Variants in AHCYL2 observed in about 807,000 individuals in gnomAD.
AHCYL2 encodes the protein adenosylhomocysteinase like 2, also known as S-adenosylhomocysteine hydrolase-like protein 2.
In AHCYL2, 28 loss-of-function variants were observed where a neutral mutation model predicts 81.4. The ratio of observed to expected loss-of-function variants is 0.34; its 90% CI spans 0.25 to 0.47. The LOEUF (loss-of-function observed/expected upper bound fraction) is 0.47. AHCYL2 is among the 20% of genes least tolerant of loss of function. The pLI is 1.00. For synonymous variants in AHCYL2, 272 were observed against 290.2 expected (o/e 0.94, Z 0.64); for missense variants, 551 against 785.1 (o/e 0.70, Z 3.56).
At chr7:129,380,642 A>G (rs1794912446) in intron 2 of AHCYL2, among the ~76,000 whole-genome samples, 1 of 152,064 alleles carries the variant, frequency 6.6e-6, no homozygotes, top group Admixed American at 6.6e-5. Flanking sequence ...TTGTCTTTTT[A>G]CTTTCCCCCC....
At chr7:129,337,795 G>GGCC (rs1231180625) in intron 1 of AHCYL2, among the ~76,000 whole-genome samples, 2 of 152,218 alleles carry the variant, frequency 1.3e-5, no homozygotes, top group African/African-American at 2.4e-5. Flanking sequence ...CCAGGCTGGA[G>GGCC]TGCAATGGCA....
chr7:129,379,542 C>A, intron 1 of AHCYL2, 96 bp from the exon 2 acceptor site: 1 of 808,828 alleles, frequency 1.2e-6, no homozygotes, highest in Non-Finnish European at 2.0e-6. Context: ...ATCAGATCAA[C>A]TGTTAGGGAA....
intron 1 of AHCYL2, among the ~76,000 whole-genome samples, chr7:129,285,506 T>G (rs1287074501): frequency 6.6e-6 from 1 of 151,718 alleles, no homozygotes; most frequent in Non-Finnish European, 1.5e-5. Flanking sequence ...GATTGAGGAG[T>G]CTAAATTTCA....
At chr7:129,413,477 G>C (rs1796695082) in intron 11 of AHCYL2, 117 bp from the exon 12 acceptor site, 1 of 836,354 alleles carries the variant, frequency 1.2e-6, no homozygotes, top group Admixed American at 2.2e-5. Context: ...CTTCTTATTG[G>C]GTTGTAAGAA....
intron 1 of AHCYL2, among the ~76,000 whole-genome samples, chr7:129,326,432 C>T (rs1268916751): frequency 6.6e-6 from 1 of 151,994 alleles, no homozygotes; most frequent in Non-Finnish European, 1.5e-5. Flanking sequence ...GAGGCAGAGG[C>T]AGAAGAATCG....
chr7:129,392,469 T>C (rs1465820924), intron 4 of AHCYL2, among the ~76,000 whole-genome samples: 1 of 152,222 alleles, frequency 6.6e-6, no homozygotes, highest in East Asian at 1.9e-4. Context: ...ATAAGTACAC[T>C]AATCCCATTT....
At chr7:129,412,749 T>G (rs1163114667) in intron 11 of AHCYL2, among the ~76,000 whole-genome samples, 2 of 152,208 alleles carry the variant, frequency 1.3e-5, no homozygotes, top group Non-Finnish European at 2.9e-5. Flanking sequence ...TGATTTCCAT[T>G]TTCCCTGATG....
chr7:129,227,454 C>G (rs1273300230), intron 1 of AHCYL2, among the ~76,000 whole-genome samples: 1 of 58,528 alleles, frequency 1.7e-5, no homozygotes, highest in East Asian at 3.7e-4. Flanking sequence ...AAACCTCTCT[C>G]TCCAAAAAAA....
At chr7:129,230,417 T>C (rs1028237958) in intron 1 of AHCYL2, among the ~76,000 whole-genome samples, 2 of 152,000 alleles carry the variant, frequency 1.3e-5, no homozygotes, top group Non-Finnish European at 2.9e-5. Flanking sequence ...AGATAGCTAG[T>C]GTTCTCCTTG....
chr7:129,355,459 T>C (rs1793705675), intron 1 of AHCYL2, among the ~76,000 whole-genome samples: 1 of 152,202 alleles, frequency 6.6e-6, no homozygotes, highest in African/African-American at 2.4e-5. Flanking sequence ...GATTATGTAT[T>C]GACACAAATG....
At chr7:129,375,081 G>A (rs751738684) in intron 1 of AHCYL2, among the ~76,000 whole-genome samples, 4 of 152,132 alleles carry the variant, frequency 2.6e-5, no homozygotes, top group Non-Finnish European at 2.9e-5. Context: ...CTTTGTAGTC[G>A]TCCCTTCCAT....
Position 129,389,186 on chromosome 7 carries a change from A to T in AHCYL2, c.606A>T (p.Glu202Asp). ...CAGAGTTTGGACGAAGAGAAATTGA[A>T]ATTGCTGAACAAGGTAAAGAAAACA... is the stretch of plus-strand genomic sequence containing the variant. Reference protein sequence around the residue: ...KQAEFGRREIEIAEQEMPALM... With the variant: ...KQAEFGRREIDIAEQEMPALM... The change falls in exon 3 of 17, where the codon GAA becomes GAT. Residue 202 changes from glutamate (E) to aspartate (D), a missense_variant. By Grantham distance (45) the Glu-to-Asp change is conservative. Around this residue, in one of 2 missense-constraint regions of AHCYL2, gnomAD observed 316 missense variants for 543.1 expected, o/e 0.58. Coordinates refer to ENST00000325006, the MANE Select transcript of AHCYL2 (RefSeq NM_015328.4). 1 of 1,613,952 alleles carries T rather than the reference A, an allele frequency of 6.2e-7. No individual in the cohort carries two copies. The highest frequency in any genetic ancestry group is 8.5e-7 in the Non-Finnish European group (1 of 1,179,888).
intron 1 of AHCYL2, among the ~76,000 whole-genome samples, chr7:129,369,694 A>G (rs1386859904): frequency 1.3e-5 from 2 of 151,828 alleles, no homozygotes; most frequent in African/African-American, 4.8e-5. Flanking sequence ...CTGGGATTAC[A>G]GGTGTGCACC....
At chr7:129,395,891 A>G (rs892095502) in intron 4 of AHCYL2, among the ~76,000 whole-genome samples, 3 of 152,092 alleles carry the variant, frequency 2.0e-5, no homozygotes, top group East Asian at 3.9e-4. Context: ...AGTTTAGCTG[A>G]TATTTTCTTA....
At chr7:129,421,805 A>C (rs1046255370) in intron 12 of AHCYL2, among the ~76,000 whole-genome samples, 2 of 152,222 alleles carry the variant, frequency 1.3e-5, no homozygotes, top group Non-Finnish European at 2.9e-5. Flanking sequence ...ACAAAAATGA[A>C]AAGAAAGTAC....
intron 1 of AHCYL2, among the ~76,000 whole-genome samples, chr7:129,339,916 C>CTTTTTTTT (rs774989478): frequency 4.8e-5 from 5 of 104,544 alleles, no homozygotes; most frequent in South Asian, 3.3e-4. Flanking sequence ...TTCCTCTGCT[C>CTTTTTTTT]TTTTTTTTTT....
intron 1 of AHCYL2, among the ~76,000 whole-genome samples, chr7:129,289,120 TGCTGTGTCACCCAG>T (rs1232621879): frequency 6.6e-6 from 1 of 151,854 alleles, no homozygotes; most frequent in Admixed American, 6.6e-5. Flanking sequence ...GTCAGGGTCT[TGCTGTGTCACCCAG>T]GCTGGAGTGC....
intron 1 of AHCYL2, among the ~76,000 whole-genome samples, chr7:129,267,065 A>G (rs1173044605): frequency 6.6e-6 from 1 of 152,200 alleles, no homozygotes; most frequent in Non-Finnish European, 1.5e-5. Context: ...ATGTTGCACA[A>G]GTATGCCTAA....
At chr7:129,410,188 G>C (rs1049540809) in intron 11 of AHCYL2, 1 of 1,611,564 alleles carries the variant, frequency 6.2e-7, no homozygotes, top group African/African-American at 1.3e-5. Flanking sequence ...TCCGATCATT[G>C]ATCATTTGTT....
Sources: gnomAD v4.1 joint callset for allele counts (sites outside exome capture counted in the v4.1 genomes callset) on GRCh38, gnomAD v4.1.1 for gene constraint, gnomAD v4.1.1 regional missense constraint, MANE v1.5 for transcripts, NCBI Gene and HGNC (gene_info 2026-07-23, HGNC 2026-07-21) for gene names.